The following CST4 variants were observed in gnomAD, a reference collection of about 807,000 sequenced individuals.
CST4 encodes the protein cystatin S.
In CST4, 17 loss-of-function variants were observed where a neutral mutation model predicts 11.2. The observed-to-expected ratio is 1.52, with a 90% CI of 1.04 to 2.27. CST4 has a LOEUF of 2.27. CST4 is among the 30% of genes most tolerant of loss of function. CST4 has a pLI of 0.00. For missense variants in CST4, 251 were observed against 180.2 expected (o/e 1.39, Z -2.25); for synonymous variants, 93 against 70.1 (o/e 1.33, Z -1.63).
At chr20:23,686,634 G>A (rs1568723868) in intron 2 of CST4, among the ~76,000 whole-genome samples, 1 of 152,094 alleles carries the variant, frequency 6.6e-6, no homozygotes, top group Non-Finnish European at 1.5e-5. Context: ...GATTCTTCCT[G>A]TCCAACAGGC....
chr20:23,686,713 A>G (rs1981053244), intron 2 of CST4, among the ~76,000 whole-genome samples: 1 of 151,932 alleles, frequency 6.6e-6, no homozygotes, highest in Non-Finnish European at 1.5e-5. Flanking sequence ...AGCAAATCAA[A>G]CACATCACCC....
In CST4 at chr20:23,685,892, C is replaced by G. The variant is rs770006725; in HGVS notation, c.*2G>C. On this transcript the variant is annotated 3_prime_UTR_variant, in exon 3 of 3. Coordinates refer to ENST00000217423, the MANE Select transcript of CST4 (RefSeq NM_001899.3). ...TCGGTGTGACTGGCCTGGCACAGAC[C>G]CCTAGGCTTCTTGACACCTGGAATT... 3 of 1,613,836 alleles carry G rather than the reference C, an allele frequency of 1.9e-6. No homozygotes were observed. The highest frequency in any genetic ancestry group is 1.7e-5 in the Admixed American group (1 of 60,002).
chr20:23,686,010 T>C (rs748326143), intron 2 of CST4, 33 bp from the exon 3 acceptor site: 6 of 1,604,832 alleles, frequency 3.7e-6, no homozygotes, highest in Non-Finnish European at 5.1e-6. Context: ...CCAATCAGTG[T>C]GGGTTACAGT....
intron 1 of CST4, among the ~76,000 whole-genome samples, chr20:23,688,460 C>G (rs1387251015): frequency 6.6e-6 from 1 of 152,200 alleles, no homozygotes; most frequent in Non-Finnish European, 1.5e-5. Flanking sequence ...AGCACAGTCT[C>G]CATCCACACC....
In CST4 at chr20:23,685,744, A is replaced by G. The variant is rs1340518752; in HGVS notation, c.*150T>C. The G allele has an allele frequency of 1.2e-5, 9 of 738,150 alleles. No homozygotes were observed. The East Asian group carries it at 2.2e-4, about 18-fold the overall frequency. 45.7% of individuals were successfully genotyped at this position (738,150 alleles called of 1,614,324 possible). A position where few individuals can be genotyped will look rare whatever the true frequency, so the allele number is the denominator to read the frequency against. On this transcript the variant is annotated 3_prime_UTR_variant, in exon 3 of 3. Transcript: ENST00000217423. ...GGAGGGCAGAGCGCCCTGCTGAGCAACAAAGGACTCCTGCAGCCTTCTCTG... is the reference window on the plus strand; with the variant it reads ...GGAGGGCAGAGCGCCCTGCTGAGCAGCAAAGGACTCCTGCAGCCTTCTCTG...
At chr20:23,687,249 C>A (rs534545003) in intron 1 of CST4, 48 bp from the exon 2 acceptor site, 1 of 1,597,462 alleles carries the variant, frequency 6.3e-7, no homozygotes, top group East Asian at 2.2e-5. Context: ...CCCATCAGTT[C>A]ATGCACTCAC....
chr20:23,685,674 T>G lies in CST4; in HGVS notation c.*220A>C, dbSNP rs571902114. ...ACTGTTTAATTGCAGGAGGTGGGGG[T>G]GTGTGTACCATGTACCAGGTCTATT... On this transcript the variant is annotated 3_prime_UTR_variant, in exon 3 of 3. Coordinates refer to ENST00000217423, the MANE Select transcript of CST4 (RefSeq NM_001899.3). The G allele has an allele frequency of 2.9e-4, 171 of 582,092 alleles. 1 individual carries two copies. Among genetic ancestry groups the G allele is most frequent in the South Asian group, 1.5e-3 (67 of 45,834 alleles). 36.1% of individuals were successfully genotyped at this position (582,092 alleles called of 1,614,324 possible). A position where few individuals can be genotyped will look rare whatever the true frequency, so the allele number is the denominator to read the frequency against.
At position 23,685,980 on chromosome 20, in the gene CST4, G is replaced by A. The variant is rs1418868873; in HGVS notation, c.343-3C>T. ...ATCTCGAAAGAGCACAACTGTTTCT[G>A]TGAAAGGGAAGAGAGAGGGCCAATC... is the stretch of plus-strand genomic sequence containing the variant. On this transcript the variant is annotated splice_polypyrimidine_tract_variant and splice_region_variant and intron_variant, in intron 2 of 2. Coordinates refer to ENST00000217423, the MANE Select transcript of CST4 (RefSeq NM_001899.3). The A allele has an allele frequency of 1.9e-6, 3 of 1,613,742 alleles. No individual in the cohort carries two copies. In the South Asian group the frequency reaches 3.3e-5, roughly 18 times the overall value.
chr20:23,687,213 A>G lies in CST4; in HGVS notation c.229-12T>C. 2 of 1,613,810 alleles carry G rather than the reference A, an allele frequency of 1.2e-6. No homozygotes were observed. The highest frequency in any genetic ancestry group is 1.1e-5 in the South Asian group (1 of 91,084). Reference sequence around the variant, plus strand: ...ACCCCCCCAAAGGTCTGCACACAGGAGAAAACAGGAAGCACGGACAGCGCC... The same window carrying G: ...ACCCCCCCAAAGGTCTGCACACAGGGGAAAACAGGAAGCACGGACAGCGCC... On this transcript the variant is annotated splice_polypyrimidine_tract_variant and intron_variant, in intron 1 of 2. Coordinates refer to ENST00000217423, the MANE Select transcript of CST4 (RefSeq NM_001899.3).
At chr20:23,686,109 G>T in intron 2 of CST4, 132 bp from the exon 3 acceptor site, 1 of 913,498 alleles carries the variant, frequency 1.1e-6, no homozygotes, top group Non-Finnish European at 1.7e-6. Context: ...CCCCTGCTGA[G>T]TCCCAGAGCA....
intron 2 of CST4, among the ~76,000 whole-genome samples, chr20:23,686,495 G>T (rs1240100868): frequency 6.6e-6 from 1 of 152,124 alleles, no homozygotes; most frequent in African/African-American, 2.4e-5. Flanking sequence ...AGCCGGGCAG[G>T]TCCAGGGCTT....
rs755499562 is a variant in CST4, at chr20:23,687,086, A to G, written c.342+2T>C. ...GGCCCGGGACCCGCATCAGGAACGT[A>G]CCTTCTGCAGTTCTGGCTGTTCATG... On this transcript the variant is annotated splice_donor_variant, in intron 2 of 2. Coordinates refer to ENST00000217423, the MANE Select transcript of CST4 (RefSeq NM_001899.3). LOFTEE classifies it high-confidence loss of function. The G allele has an allele frequency of 6.8e-6, 11 of 1,614,144 alleles. No homozygotes were observed. Among genetic ancestry groups the G allele is most frequent in the Non-Finnish European group, 9.3e-6 (11 of 1,180,010 alleles).
At position 23,689,031 on chromosome 20, in the gene CST4, C is replaced by A. The variant is rs1233231208; in HGVS notation, c.-62G>T. On this transcript the variant is annotated 5_prime_UTR_variant, in exon 1 of 3. Transcript: ENST00000217423. ...AGGAGAGGAGGGTGAGAGCCCGAGG[C>A]AGGGAGCCCAGACCAGCAGGCAGGT... 8.5e-5 allele frequency: 128 copies of A among 1,505,766 alleles called. No homozygotes were observed. The highest frequency in any genetic ancestry group is 1.1e-4 in the Non-Finnish European group (123 of 1,095,872). The allele number at this position is 1,505,766 out of a possible 1,614,324, so 93.3% of individuals were successfully genotyped here.
Position 23,689,010 on chromosome 20 carries a change from G to C in CST4, c.-41C>G, listed in dbSNP as rs765424513. The C allele has an allele frequency of 1.3e-6, 2 of 1,591,160 alleles. No individual in the cohort carries two copies. Among genetic ancestry groups the C allele is most frequent in the Non-Finnish European group, 8.6e-7 (1 of 1,163,160 alleles). ...AGAGCACAAAGCTGGAGCTGCAGGA[G>C]AGGAGGGTGAGAGCCCGAGGCAGGG... On this transcript the variant is annotated 5_prime_UTR_variant, in exon 1 of 3. Coordinates refer to ENST00000217423, the MANE Select transcript of CST4 (RefSeq NM_001899.3).
intron 1 of CST4, among the ~76,000 whole-genome samples, chr20:23,687,486 T>C (rs539645322): frequency 6.6e-6 from 1 of 152,338 alleles, no homozygotes; most frequent in East Asian, 1.9e-4. Flanking sequence ...AGGAAGGCTG[T>C]CTGATGACAA....
rs370609799 is a variant in CST4, at chr20:23,688,766, C to T, written c.204G>A (p.Leu68=). ...ATEDEYYRRP[L]QVLRAREQTF... The stretch of plus-strand genomic sequence containing the variant: ...CCTGCTCCCTGGCTCGCAGCACCTG[C>T]AGCGGGCGTCTGTAGTACTCATCTT... Residue 68 remains leucine, a synonymous_variant, in exon 1 of 3, where the codon CTG becomes CTA. Transcript: ENST00000217423. 6.2e-7 allele frequency: 1 copy of T among 1,614,182 alleles called. No individual in the cohort carries two copies. Among genetic ancestry groups the T allele is most frequent in the Admixed American group, 1.7e-5 (1 of 60,030 alleles).
intron 2 of CST4, among the ~76,000 whole-genome samples, chr20:23,686,467 A>G (rs1332868025): frequency 6.6e-6 from 1 of 152,168 alleles, no homozygotes; most frequent in Admixed American, 6.5e-5. Context: ...AGGTTCTTGG[A>G]GAGGCTGGTG....
At chr20:23,685,999 G>T (rs567749965) in intron 2 of CST4, 22 bp from the exon 3 acceptor site, 40 of 1,609,146 alleles carry the variant, frequency 2.5e-5, no homozygotes, top group Non-Finnish European at 3.2e-5. Flanking sequence ...AAGAGAGAGG[G>T]CCAATCAGTG....
At chr20:23,686,999 C>T (rs1981065688) in intron 2 of CST4, 89 bp downstream of exon 2, 1 of 1,546,576 alleles carries the variant, frequency 6.5e-7, no homozygotes, top group Non-Finnish European at 8.9e-7. Context: ...TGCACACACA[C>T]ACCGTCCAAA....
Sources: gnomAD v4.1 joint callset for allele counts (sites outside exome capture counted in the v4.1 genomes callset) on GRCh38, gnomAD v4.1.1 for gene constraint, MANE v1.5 for transcripts, NCBI Gene and HGNC (gene_info 2026-07-23, HGNC 2026-07-21) for gene names.